KIRREL3: variants seen among roughly 807,000 people sequenced by gnomAD.
KIRREL3 encodes kin of IRRE-like protein 3.
In KIRREL3, 36 loss-of-function variants were observed where a neutral mutation model predicts 89.7. The ratio of observed to expected loss-of-function variants is 0.40; its 90% CI spans 0.31 to 0.53. The LOEUF is 0.53. KIRREL3 is among the 20% of genes least tolerant of loss of function. The pLI is 0.49. For missense variants in KIRREL3, 864 were observed against 1,056.6 expected (o/e 0.82, Z 2.53); for synonymous variants, 445 against 441.4 (o/e 1.01, Z -0.10).
At chr11:126,678,598 T>TAAAAA (rs1946303937) in intron 1 of KIRREL3, among the ~76,000 whole-genome samples, 1 of 4,092 alleles carries the variant, frequency 2.4e-4, no homozygotes, top group Non-Finnish European at 3.1e-4. Flanking sequence ...AGACTCTGTC[T>TAAAAA]CAAAAAAAAA....
Position 126,615,471 on chromosome 11 carries a change from A to G in KIRREL3, c.56-52559T>C, listed in dbSNP as rs935436088. ...GAGGTTAAGGAATGGGCAAAATCAC[A>G]GCCAGTAGGTAGCAGAGGCTGGATG... On this transcript the variant is annotated intron_variant, in intron 1 of 16. Transcript: ENST00000525144. This position sits in a 1 kb window ranked among gnomAD's most constrained non-coding sequence, Gnocchi z 5.4. Among the ~76,000 whole-genome samples, 4 of 152,204 alleles carry G rather than the reference A, an allele frequency of 2.6e-5. No individual in the cohort carries two copies. The highest frequency in any genetic ancestry group is 9.7e-5 in the African/African-American group (4 of 41,448).
At position 126,624,281 on chromosome 11, in the gene KIRREL3, C is replaced by T. The variant is rs1565600692; in HGVS notation, c.56-61369G>A. On this transcript the variant is annotated intron_variant, in intron 1 of 16. Coordinates refer to ENST00000525144, the MANE Select transcript of KIRREL3 (RefSeq NM_032531.4). The surrounding 1 kb of genome is among the most constrained non-coding windows in gnomAD (Gnocchi z 6.0). ...GATAAGTTTGTACAGGTGGGATCAT[C>T]AGTTATTCTCCCCAAACAGATCATT... Among the ~76,000 whole-genome samples the T allele has an allele frequency of 6.6e-6, 1 of 152,118 alleles. No homozygotes were observed. Among genetic ancestry groups the T allele is most frequent in the Non-Finnish European group, 1.5e-5 (1 of 68,028 alleles).
rs974554648 is a variant in KIRREL3, at chr11:126,614,954, C to T, written c.56-52042G>A. ...GAGATAAGGTAGGCTTATTATTTTT[C>T]GAGTGGAACTGGGACTGTTTAGCCT... On this transcript the variant is annotated intron_variant, in intron 1 of 16. Transcript: ENST00000525144. This position sits in a 1 kb window ranked among gnomAD's most constrained non-coding sequence, Gnocchi z 4.6. Among the ~76,000 whole-genome samples, 2 of 151,902 alleles carry T rather than the reference C, an allele frequency of 1.3e-5. No homozygotes were observed. Among genetic ancestry groups the T allele is most frequent in the African/African-American group, 4.8e-5 (2 of 41,316 alleles).
intron 5 of KIRREL3, among the ~76,000 whole-genome samples, chr11:126,467,258 C>T (rs1003512506): frequency 5.9e-5 from 9 of 152,232 alleles, no homozygotes; most frequent in Non-Finnish European, 1.3e-4. Flanking sequence ...CCCCACTGCC[C>T]CTCCCTAAGG....
At position 126,876,573 on chromosome 11, in the gene KIRREL3, T is replaced by C. The variant is rs113529119; in HGVS notation, c.55+123882A>G. The stretch of plus-strand genomic sequence containing the variant: ...TTTTTTTTGAGATGGAGTCTTGCTC[T>C]GTCACCCAGGCTGGAGTGCAGCGGT... On this transcript the variant is annotated intron_variant, in intron 1 of 16. Transcript: ENST00000525144. The surrounding 1 kb of genome is among the most constrained non-coding windows in gnomAD (Gnocchi z 4.1). Among the ~76,000 whole-genome samples the C allele has an allele frequency of 0.13, 18,917 of 149,774 alleles. 1,303 individuals are homozygous for C. The highest frequency in any genetic ancestry group is 0.16 in the Middle Eastern group (47 of 290).
At chr11:126,567,972 GC>G (rs1940641465) in intron 1 of KIRREL3, among the ~76,000 whole-genome samples, 1 of 152,072 alleles carries the variant, frequency 6.6e-6, no homozygotes, top group African/African-American at 2.4e-5. Context: ...TCCCCAAGTT[GC>G]CCAGTCACAA....
At chr11:126,758,831 C>T (rs1797855569) in intron 1 of KIRREL3, among the ~76,000 whole-genome samples, 1 of 152,208 alleles carries the variant, frequency 6.6e-6, no homozygotes, top group Admixed American at 6.5e-5. Context: ...GCAGAAAAAG[C>T]TTTGACCGAT....
rs1955035831 is a variant in KIRREL3, at chr11:126,429,014, A to G, written c.1806+165T>C. On this transcript the variant is annotated intron_variant, in intron 15 of 16. Transcript: ENST00000525144. The surrounding 1 kb of genome is among the most constrained non-coding windows in gnomAD (Gnocchi z 5.2). Reference sequence around the variant, plus strand: ...CACAGTACAGCAGGCACACACTCACATTTGTTGGCTGAGAGTGTGTGCCTC... The same window carrying G: ...CACAGTACAGCAGGCACACACTCACGTTTGTTGGCTGAGAGTGTGTGCCTC... 6.6e-6 allele frequency among the ~76,000 whole-genome samples: 1 copy of G among 152,122 alleles called. No homozygotes were observed. Among genetic ancestry groups the G allele is most frequent in the African/African-American group, 2.4e-5 (1 of 41,418 alleles).
rs765228154 is a variant in KIRREL3, at chr11:126,440,369, T to C, written c.1353+80A>G. On this transcript the variant is annotated intron_variant, in intron 11 of 16. Transcript: ENST00000525144. Reference sequence around the variant, plus strand: ...AGGAACCTCGGAGGTGTGCACCGCCTGGCTGGCCACCCAGGTATTGGCAAA... The same window carrying C: ...AGGAACCTCGGAGGTGTGCACCGCCCGGCTGGCCACCCAGGTATTGGCAAA... The C allele has an allele frequency of 1.2e-5, 15 of 1,272,770 alleles. No homozygotes were observed. The East Asian group carries it at 3.8e-4, about 32-fold the overall frequency. 78.8% of individuals were successfully genotyped at this position (1,272,770 alleles called of 1,614,324 possible).
intron 1 of KIRREL3, among the ~76,000 whole-genome samples, chr11:126,971,979 T>C (rs943914770): frequency 1.6e-4 from 25 of 152,160 alleles, no homozygotes; most frequent in Non-Finnish European, 4.4e-5. Context: ...TTTATCCAAT[T>C]CATAACTATA....
At chr11:126,435,836 CT>C (rs1179802787) in intron 12 of KIRREL3, among the ~76,000 whole-genome samples, 1 of 152,082 alleles carries the variant, frequency 6.6e-6, no homozygotes, top group Non-Finnish European at 1.5e-5. Context: ...GCGAATGGAC[CT>C]TTACCTAAGA....
rs1023677513 is a variant in KIRREL3 at position 126,627,791 on chromosome 11, G to C, written c.56-64879C>G. On this transcript the variant is annotated intron_variant, in intron 1 of 16. Coordinates refer to ENST00000525144, the MANE Select transcript of KIRREL3 (RefSeq NM_032531.4). The surrounding 1 kb of genome is among the most constrained non-coding windows in gnomAD (Gnocchi z 5.0). ...GGATTAGAGGGATGTCAGATGCTCA[G>C]AGAGAACTCACAGGCCCCAGTGGAG... is the stretch of plus-strand genomic sequence containing the variant. 6.6e-6 allele frequency among the ~76,000 whole-genome samples: 1 copy of C among 152,192 alleles called. No homozygotes were observed. The highest frequency in any genetic ancestry group is 1.5e-5 in the Non-Finnish European group (1 of 68,032).
chr11:126,768,133 T>TATCC lies in KIRREL3; in HGVS notation c.56-205225_56-205222dup, dbSNP rs150912161. Among the ~76,000 whole-genome samples, 3,570 of 127,206 alleles carry TATCC rather than the reference T, an allele frequency of 0.028. 221 individuals are homozygous for TATCC. The highest frequency in any genetic ancestry group is 0.092 in the African/African-American group (2,670 of 29,172). The allele number at this position is 127,206 out of a possible 152,430, so 83.5% of individuals were successfully genotyped here. ...CTGTCCATCCATCTGTCTATCCATCTATCCATCCATCCATCCATCCATCCA... is the reference window on the plus strand; with the variant it reads ...CTGTCCATCCATCTGTCTATCCATCTATCCATCCATCCATCCATCCATCCATCCA... On this transcript the variant is annotated intron_variant, in intron 1 of 16. Transcript: ENST00000525144. The surrounding 1 kb of genome is among the most constrained non-coding windows in gnomAD (Gnocchi z 4.5).
chr11:126,503,233 TG>T (rs1352929034), intron 4 of KIRREL3, among the ~76,000 whole-genome samples: 6 of 151,972 alleles, frequency 3.9e-5, no homozygotes, highest in Non-Finnish European at 7.4e-5. Flanking sequence ...ATCTTCCTGG[TG>T]GGGGGCGTCC....
At chr11:126,509,764 G>A (rs1202295687) in intron 4 of KIRREL3, among the ~76,000 whole-genome samples, 1 of 152,162 alleles carries the variant, frequency 6.6e-6, no homozygotes, top group African/African-American at 2.4e-5. Context: ...GGGAGGCCAA[G>A]GCGGGGGAAT....
At chr11:126,540,548 C>T (rs116967428) in intron 2 of KIRREL3, among the ~76,000 whole-genome samples, 3,373 of 152,342 alleles carry the variant, frequency 0.022, 64 homozygotes, top group Non-Finnish European at 0.035. Flanking sequence ...AATCCTTTGC[C>T]TACTGATGAT....
chr11:126,907,576 T>C (rs1347693590), intron 1 of KIRREL3, among the ~76,000 whole-genome samples: 1 of 152,164 alleles, frequency 6.6e-6, no homozygotes, highest in Non-Finnish European at 1.5e-5. Context: ...CTTTTTAAAG[T>C]ATTGGAGCTC....
chr11:126,473,224 CAT>C, intron 5 of KIRREL3, 83 bp downstream of exon 5: 2 of 1,068,438 alleles, frequency 1.9e-6, no homozygotes, highest in South Asian at 4.6e-5. Flanking sequence ...GCCTCCTCCC[CAT>C]CAACTCCCTG....
intron 1 of KIRREL3, among the ~76,000 whole-genome samples, chr11:126,810,349 C>T (rs1374488983): frequency 6.6e-6 from 1 of 152,206 alleles, no homozygotes; most frequent in Non-Finnish European, 1.5e-5. Flanking sequence ...TCAAAACTTA[C>T]AGCAGCTTCA....
Sources: allele counts gnomAD v4.1 joint callset (sites outside exome capture counted in the v4.1 genomes callset), GRCh38; gene constraint gnomAD v4.1.1; non-coding constraint Gnocchi (gnomAD v3.1); transcripts MANE v1.5; gene names NCBI Gene and HGNC (gene_info 2026-07-23, HGNC 2026-07-21).